KIF4A: variants seen among roughly 807,000 people sequenced by gnomAD.
The protein encoded by KIF4A is chromosome-associated kinesin KIF4A.
A neutral mutation model predicts 105.9 loss-of-function variants in KIF4A; 7 were observed. That is an observed-to-expected ratio of 0.07 (90% CI 0.04 to 0.12). The LOEUF (loss-of-function observed/expected upper bound fraction) is 0.12, where lower values mean the gene tolerates loss of function less well. KIF4A is among the 10% of genes least tolerant of loss of function. KIF4A has a pLI of 1.00. For synonymous variants in KIF4A, 281 were observed against 331.3 expected, an observed-to-expected ratio of 0.85 and a Z score of 1.65; for missense variants, 558 against 929.2, an observed-to-expected ratio of 0.60 and a Z score of 5.19.
intron 22 of KIF4A, among the ~76,000 whole-genome samples, chrX:70,398,789 A>C: frequency 8.9e-6 from 1 of 112,039 alleles, no homozygotes; most frequent in Non-Finnish European, 1.9e-5. Flanking sequence ...AGGGTTTTCA[A>C]AGTGTGGGCC....
intron 18 of KIF4A, among the ~76,000 whole-genome samples, chrX:70,384,984 G>T (rs190592875): frequency 2.7e-5 from 3 of 109,469 alleles, no homozygotes; most frequent in African/African-American, 1.0e-4. Context: ...TGTATTTTTA[G>T]TAGAGACAGA....
intron 10 of KIF4A, among the ~76,000 whole-genome samples, chrX:70,338,425 TC>T (rs1179801209): frequency 8.9e-6 from 1 of 112,421 alleles, no homozygotes; most frequent in African/African-American, 3.2e-5. Flanking sequence ...TCTTTTTTTG[TC>T]TGGCTTCTTT....
rs771602061 is a variant in KIF4A, at chrX:70,407,174, C to T, written c.3255+99C>T. The T allele has an allele frequency of 2.5e-4, 221 of 897,570 alleles. 1 individual carries two copies. The highest frequency in any genetic ancestry group is 5.2e-4 in the Admixed American group (15 of 28,855). 74.0% of individuals were successfully genotyped at this position (897,570 alleles called of 1,213,427 possible). A position where few individuals can be genotyped will look rare whatever the true frequency, so the allele number is the denominator to read the frequency against. On this transcript the variant is annotated intron_variant, in intron 28 of 30. Transcript: ENST00000374403. ...CCAGGCTGGAGTACAGTGGTGCATTCTCGGCTCACTGCAACCTCTGCCTCC... is the reference window on the plus strand; with the variant it reads ...CCAGGCTGGAGTACAGTGGTGCATTTTCGGCTCACTGCAACCTCTGCCTCC...
intron 15 of KIF4A, among the ~76,000 whole-genome samples, chrX:70,355,264 G>A (rs888441970): frequency 3.6e-5 from 4 of 111,614 alleles, no homozygotes; most frequent in African/African-American, 1.3e-4. Context: ...GAGACTATAG[G>A]GTTGGTTTTT....
intron 15 of KIF4A, among the ~76,000 whole-genome samples, chrX:70,357,130 C>T (rs1053956133): frequency 8.1e-5 from 9 of 111,073 alleles, no homozygotes; most frequent in Non-Finnish European, 1.7e-4. Context: ...CTGGCTAACA[C>T]GGTGAAACCC....
chrX:70,297,213 C>G, intron 4 of KIF4A, 25 bp downstream of exon 4: 1 of 1,151,564 alleles, frequency 8.7e-7, no homozygotes, highest in Non-Finnish European at 1.2e-6. Context: ...TTTAATTATT[C>G]TGAATTCGAA....
rs147308563 is a variant in KIF4A at position 70,411,216 on chromosome X, C to T, written c.3255+4141C>T. ...CCAAGGTGGGAGGATCACTTGAGCC[C>T]AGAGTTCAAGGCTGCAGTGAACTAT... On this transcript the variant is annotated intron_variant, in intron 28 of 30. Coordinates refer to ENST00000374403, the MANE Select transcript of KIF4A (RefSeq NM_012310.5). 8.5e-4 allele frequency among the ~76,000 whole-genome samples: 94 copies of T among 110,153 alleles called. 1 individual carries two copies. The East Asian group carries it at 0.022, about 26-fold the overall frequency.
At chrX:70,391,249 CTT>C (rs2086236438) in intron 20 of KIF4A, among the ~76,000 whole-genome samples, 1 of 111,996 alleles carries the variant, frequency 8.9e-6, no homozygotes. Flanking sequence ...TGTATATTAA[CTT>C]TTATCTCATG....
intron 4 of KIF4A, among the ~76,000 whole-genome samples, chrX:70,298,748 C>T (rs1423225236): frequency 8.9e-6 from 1 of 112,479 alleles, no homozygotes; most frequent in Middle Eastern, 4.2e-3. Flanking sequence ...CCACCCCCAT[C>T]TATGTACCTG....
chrX:70,318,318 G>A (rs1465760585), intron 7 of KIF4A, among the ~76,000 whole-genome samples: 3 of 112,206 alleles, frequency 2.7e-5, no homozygotes, highest in African/African-American at 9.7e-5. Context: ...CATTTAAAAT[G>A]ATATTTGAGA....
intron 15 of KIF4A, among the ~76,000 whole-genome samples, chrX:70,357,959 G>A (rs1163186770): frequency 9.0e-6 from 1 of 111,207 alleles, no homozygotes; most frequent in South Asian, 3.8e-4. Context: ...TACCCAGGCT[G>A]GAGTGCAGTG....
At chrX:70,365,299 G>A (rs1434217126) in intron 15 of KIF4A, among the ~76,000 whole-genome samples, 1 of 111,665 alleles carries the variant, frequency 9.0e-6, no homozygotes, top group Non-Finnish European at 1.9e-5. Flanking sequence ...AGTGGTGAGA[G>A]AGGGCATCCC....
Position 70,407,202 on chromosome X carries a change from A to G in KIF4A, c.3255+127A>G, listed in dbSNP as rs2086303895. On this transcript the variant is annotated intron_variant, in intron 28 of 30. Coordinates refer to ENST00000374403, the MANE Select transcript of KIF4A (RefSeq NM_012310.5). ...GGCTCACTGCAACCTCTGCCTCCCAAGTTCAAGTAATTCTCGTGTCTCAGC... is the reference window on the plus strand; with the variant it reads ...GGCTCACTGCAACCTCTGCCTCCCAGGTTCAAGTAATTCTCGTGTCTCAGC... 2.8e-5 allele frequency: 20 copies of G among 713,213 alleles called. No homozygotes were observed. The South Asian group carries it at 5.8e-4, about 21-fold the overall frequency. The allele number at this position is 713,213 out of a possible 1,213,427, so 58.8% of individuals were successfully genotyped here.
At chrX:70,376,057 A>G in intron 17 of KIF4A, 43 bp from the exon 18 acceptor site, 4 of 908,830 alleles carry the variant, frequency 4.4e-6, no homozygotes, top group Non-Finnish European at 4.8e-6. Flanking sequence ...GCCTAGAATA[A>G]ACTGCAGATG....
At chrX:70,419,906 G>A in intron 30 of KIF4A, 123 bp downstream of exon 30, 1 of 1,043,651 alleles carries the variant, frequency 9.6e-7, no homozygotes, top group Non-Finnish European at 1.3e-6. Context: ...TGGGAACTAG[G>A]GATCGGGCAT....
chrX:70,307,958 G>A (rs1302290470), intron 7 of KIF4A, among the ~76,000 whole-genome samples: 1 of 111,984 alleles, frequency 8.9e-6, no homozygotes, highest in Admixed American at 9.5e-5. Context: ...TTTTGTGTCT[G>A]TGTTTGGGCA....
chrX:70,410,939 G>A (rs2086319415), intron 28 of KIF4A, among the ~76,000 whole-genome samples: 1 of 112,313 alleles, frequency 8.9e-6, no homozygotes, highest in Non-Finnish European at 1.9e-5. Context: ...GTGTAAATGG[G>A]TTTTAATAAC....
At chrX:70,303,912 C>CT (rs1360130246) in intron 7 of KIF4A, among the ~76,000 whole-genome samples, 4 of 104,269 alleles carry the variant, frequency 3.8e-5, no homozygotes, top group Non-Finnish European at 5.9e-5. Flanking sequence ...ACTTACATTT[C>CT]TTTTTTTTTA....
intron 28 of KIF4A, among the ~76,000 whole-genome samples, chrX:70,411,787 C>T (rs982416575): frequency 1.8e-5 from 2 of 110,714 alleles, no homozygotes; most frequent in African/African-American, 3.3e-5. Flanking sequence ...GGTGTGGTTG[C>T]TCATGCCTAT....
Sources: gnomAD v4.1 joint callset for allele counts (sites outside exome capture counted in the v4.1 genomes callset) on GRCh38, gnomAD v4.1.1 for gene constraint, MANE v1.5 for transcripts, NCBI Gene and HGNC (gene_info 2026-07-23, HGNC 2026-07-21) for gene names.